Variants in SERPINE2 observed in about 807,000 individuals in gnomAD.
SERPINE2 encodes the protein serpin family E member 2.
A neutral mutation model predicts 36.3 loss-of-function variants in SERPINE2; 14 were observed. The ratio of observed to expected loss-of-function variants is 0.39; its 90% CI spans 0.25 to 0.60. The LOEUF (loss-of-function observed/expected upper bound fraction) is 0.60. Among genes scored for constraint, SERPINE2 ranks in the 20% least tolerant of loss-of-function variants. The pLI, the probability that SERPINE2 is intolerant of heterozygous loss-of-function variation, is 0.57. For missense variants in SERPINE2, 418 were observed against 499.6 expected, an observed-to-expected ratio of 0.84 and a Z score of 1.56; for synonymous variants, 192 against 191.8, an observed-to-expected ratio of 1.00 and a Z score of -0.01.
chr2:224,015,656 C>A (rs116880412), intron 1 of SERPINE2, among the ~76,000 whole-genome samples: 1 of 152,234 alleles, frequency 6.6e-6, no homozygotes, highest in Non-Finnish European at 1.5e-5. Context: ...ATTCACACTC[C>A]AGTGTCTATC....
intron 1 of SERPINE2, among the ~76,000 whole-genome samples, chr2:224,032,880 G>A (rs1692424734): frequency 6.6e-6 from 1 of 152,158 alleles, no homozygotes; most frequent in Admixed American, 6.5e-5. Flanking sequence ...AATCCCAGAA[G>A]GGATGCCGAC....
At chr2:223,985,636 C>G (rs1446211154) in intron 4 of SERPINE2, among the ~76,000 whole-genome samples, 1 of 152,172 alleles carries the variant, frequency 6.6e-6, no homozygotes, top group East Asian at 1.9e-4. Flanking sequence ...GGATCTACAG[C>G]ACCTCACGGG....
intron 7 of SERPINE2, 191 bp downstream of exon 7, chr2:223,980,120 G>A (rs1272255993): frequency 4.0e-6 from 2 of 498,012 alleles, no homozygotes; most frequent in Non-Finnish European, 7.2e-6. Flanking sequence ...TTTCTTTAAT[G>A]AAACAGATTC....
chr2:224,015,951 G>A (rs534141204), intron 1 of SERPINE2, among the ~76,000 whole-genome samples: 19 of 152,180 alleles, frequency 1.2e-4, no homozygotes, highest in African/African-American at 3.9e-4. Flanking sequence ...AAAAAAAATC[G>A]GATTAGGAAA....
At chr2:224,015,134 G>T (rs978367196) in intron 1 of SERPINE2, among the ~76,000 whole-genome samples, 8 of 152,212 alleles carry the variant, frequency 5.3e-5, no homozygotes, top group African/African-American at 1.9e-4. Context: ...GCACAAGACA[G>T]CCGCCTGCAA....
chr2:223,996,716 A>C (rs2106157246), intron 3 of SERPINE2, among the ~76,000 whole-genome samples: 1 of 152,324 alleles, frequency 6.6e-6, no homozygotes, highest in East Asian at 1.9e-4. Flanking sequence ...ATAGCCTGAA[A>C]GGCGACAGTT....
At chr2:224,018,074 G>C (rs1691860286) in intron 1 of SERPINE2, among the ~76,000 whole-genome samples, 1 of 152,178 alleles carries the variant, frequency 6.6e-6, no homozygotes, top group Non-Finnish European at 1.5e-5. Context: ...GGTCCTCAGG[G>C]AAGGTGACTT....
chr2:224,017,027 G>A (rs1391081435), intron 1 of SERPINE2, among the ~76,000 whole-genome samples: 1 of 152,206 alleles, frequency 6.6e-6, no homozygotes, highest in Non-Finnish European at 1.5e-5. Context: ...GGTCCCTGTG[G>A]TGGAAATGTC....
intron 1 of SERPINE2, chr2:224,038,677 G>A (rs1241450684): frequency 4.5e-6 from 3 of 669,718 alleles, no homozygotes; most frequent in Non-Finnish European, 8.0e-6. Flanking sequence ...ATCCGGCGGC[G>A]CGCAGCCTAA....
At chr2:224,018,882 C>G (rs1330449132) in intron 1 of SERPINE2, among the ~76,000 whole-genome samples, 1 of 152,226 alleles carries the variant, frequency 6.6e-6, no homozygotes, top group African/African-American at 2.4e-5. Flanking sequence ...CCAGCCCAAG[C>G]CACCAACATC....
chr2:224,001,447 GTC>G (rs1276888408), intron 2 of SERPINE2, 193 bp downstream of exon 2: 3 of 580,394 alleles, frequency 5.2e-6, no homozygotes, highest in East Asian at 5.8e-5. Flanking sequence ...AGGGACCAGA[GTC>G]TAGTTCTCCT....
At chr2:223,976,297 C>T (rs1049620932) in intron 8 of SERPINE2, among the ~76,000 whole-genome samples, 5 of 152,100 alleles carry the variant, frequency 3.3e-5, no homozygotes, top group Non-Finnish European at 7.4e-5. Flanking sequence ...ATTACAGGCA[C>T]CCACCACCAC....
chr2:224,024,422 G>A (rs1392634964), intron 1 of SERPINE2, among the ~76,000 whole-genome samples: 1 of 152,206 alleles, frequency 6.6e-6, no homozygotes, highest in African/African-American at 2.4e-5. Flanking sequence ...GCTTCGTCCT[G>A]TAACCTGACT....
At chr2:224,033,282 T>G (rs1692436191) in intron 1 of SERPINE2, among the ~76,000 whole-genome samples, 1 of 152,152 alleles carries the variant, frequency 6.6e-6, no homozygotes, top group Non-Finnish European at 1.5e-5. Context: ...ATGCTCTAAG[T>G]GGGAATACAA....
At chr2:223,994,477 C>T (rs188578479) in intron 3 of SERPINE2, among the ~76,000 whole-genome samples, 3 of 152,318 alleles carry the variant, frequency 2.0e-5, no homozygotes, top group East Asian at 1.9e-4. Flanking sequence ...ATCATCCGTC[C>T]GTCCATCCAT....
chr2:224,008,518 C>T (rs773674386), intron 1 of SERPINE2, among the ~76,000 whole-genome samples: 5 of 152,182 alleles, frequency 3.3e-5, no homozygotes, highest in Admixed American at 1.3e-4. Context: ...TTAAGGGTCT[C>T]GATCCACTGC....
chr2:223,987,153 C>T (rs1002629656), intron 4 of SERPINE2, among the ~76,000 whole-genome samples: 1 of 152,162 alleles, frequency 6.6e-6, no homozygotes, highest in Non-Finnish European at 1.5e-5. Context: ...TAAAAGCCTA[C>T]AATAATAGCA....
chr2:223,985,356 C>T (rs900467070), intron 4 of SERPINE2, among the ~76,000 whole-genome samples: 2 of 148,540 alleles, frequency 1.3e-5, no homozygotes, highest in South Asian at 2.1e-4. Flanking sequence ...CACAATATGA[C>T]GTTATGGGAT....
At chr2:223,984,618 C>G (rs1203913234) in intron 5 of SERPINE2, 134 bp downstream of exon 5, 1 of 788,552 alleles carries the variant, frequency 1.3e-6, no homozygotes, top group East Asian at 2.7e-5. Flanking sequence ...CTCGTAATCC[C>G]ACCATGAAAT....
Sources: allele counts gnomAD v4.1 joint callset (sites outside exome capture counted in the v4.1 genomes callset), GRCh38; gene constraint gnomAD v4.1.1; transcripts MANE v1.5; gene names NCBI Gene and HGNC (gene_info 2026-07-23, HGNC 2026-07-21).